Variants in SPAST observed in about 807,000 individuals in gnomAD.
SPAST encodes the protein spastic paraplegia 4 (autosomal dominant; spastin).
A neutral mutation model predicts 76.6 loss-of-function variants in SPAST; 30 were observed. That is an observed-to-expected ratio of 0.39 (90% confidence interval 0.29 to 0.53). The LOEUF is 0.53. Among genes scored for constraint, SPAST ranks in the 20% least tolerant of loss-of-function variants. The pLI, the probability that SPAST is intolerant of heterozygous loss-of-function variation, is 0.68. For missense variants in SPAST, 717 were observed against 770.5 expected, an observed-to-expected ratio of 0.93 and a Z score of 0.82; for synonymous variants, 305 against 281.0, an observed-to-expected ratio of 1.09 and a Z score of -0.86.
chr2:32,150,761 A>T (rs1355796045), intron 16 of SPAST, among the ~76,000 whole-genome samples: 1 of 152,082 alleles, frequency 6.6e-6, no homozygotes, highest in African/African-American at 2.4e-5. Flanking sequence ...CTAAAAATAT[A>T]ATTTTATCCA....
rs2148771985 is a variant in SPAST at position 32,157,567 on chromosome 2, ATGAAT to A, written c.*3073_*3077del. The A allele has an allele frequency of 6.5e-6, 1 of 152,734 alleles. No individual in the cohort carries two copies. Among genetic ancestry groups the A allele is most frequent in the Non-Finnish European group, 1.5e-5 (1 of 68,020 alleles). 9.5% of individuals were successfully genotyped at this position (152,734 alleles called of 1,614,324 possible). A position where few individuals can be genotyped will look rare whatever the true frequency, so the allele number is the denominator to read the frequency against. On this transcript the variant is annotated 3_prime_UTR_variant, in exon 17 of 17. Coordinates refer to ENST00000315285, the MANE Select transcript of SPAST (RefSeq NM_014946.4). The stretch of plus-strand genomic sequence containing the variant: ...TCTTTTGTACTTTTCTTCAGAAGAA[ATGAAT>A]TAAAGGGTACAGTTGCATAAAGTGG...
chr2:32,074,285 A>G lies in SPAST; in HGVS notation c.415+10039A>G, dbSNP rs867694823. On this transcript the variant is annotated intron_variant, in intron 1 of 16. Coordinates refer to ENST00000315285, the MANE Select transcript of SPAST (RefSeq NM_014946.4). ...GCAAAGGTCACTCCTTATCTGGAAA[A>G]GGGGAATATTTGGTATTTCATGGTT... is the stretch of plus-strand genomic sequence containing the variant. Among the ~76,000 whole-genome samples, 87 of 152,170 alleles carry G rather than the reference A, an allele frequency of 5.7e-4. 2 individuals carry two copies. The highest frequency in any genetic ancestry group is 3.2e-3 in the Middle Eastern group (1 of 316).
intron 8 of SPAST, 140 bp from the exon 9 acceptor site, chr2:32,128,268 T>C: frequency 1.5e-6 from 1 of 669,006 alleles, no homozygotes; most frequent in Non-Finnish European, 2.6e-6. Context: ...GTGCTGGGAT[T>C]ACAGGCATGA....
intron 2 of SPAST, among the ~76,000 whole-genome samples, chr2:32,088,600 C>T (rs1275610029): frequency 2.6e-5 from 4 of 152,076 alleles, no homozygotes; most frequent in Non-Finnish European, 4.4e-5. Context: ...GCCAAGATCG[C>T]GCCATTGCAC....
intron 1 of SPAST, among the ~76,000 whole-genome samples, chr2:32,065,240 C>T (rs548287703): frequency 1.3e-5 from 2 of 152,078 alleles, no homozygotes; most frequent in Admixed American, 6.6e-5. Flanking sequence ...GGATGGTCTC[C>T]ATCTCCTGAC....
intron 4 of SPAST, among the ~76,000 whole-genome samples, chr2:32,106,824 T>C (rs1678340520): frequency 6.6e-6 from 1 of 151,962 alleles, no homozygotes; most frequent in Non-Finnish European, 1.5e-5. Context: ...AGTATCGATA[T>C]AAGTATTTTG....
At chr2:32,071,678 G>C (rs552372416) in intron 1 of SPAST, among the ~76,000 whole-genome samples, 4 of 152,286 alleles carry the variant, frequency 2.6e-5, no homozygotes, top group African/African-American at 9.6e-5. Flanking sequence ...GAGGCTTCCA[G>C]GTCGTAGGCA....
chr2:32,102,075 A>G (rs1490040474), intron 4 of SPAST, among the ~76,000 whole-genome samples: 2 of 152,086 alleles, frequency 1.3e-5, no homozygotes, highest in African/African-American at 2.4e-5. Flanking sequence ...CAGTGTGGCC[A>G]TTTTCATGAT....
intron 3 of SPAST, among the ~76,000 whole-genome samples, chr2:32,090,667 G>A (rs1284413985): frequency 6.6e-6 from 1 of 151,982 alleles, no homozygotes; most frequent in Admixed American, 6.6e-5. Context: ...TAATGTACAG[G>A]TTCATCTGTT....
chr2:32,141,697 A>G (rs1213850729), intron 12 of SPAST, among the ~76,000 whole-genome samples: 1 of 152,254 alleles, frequency 6.6e-6, no homozygotes, highest in Non-Finnish European at 1.5e-5. Context: ...ATACATACAT[A>G]AATGATTAAT....
At chr2:32,095,352 G>T (rs1457881158) in intron 3 of SPAST, among the ~76,000 whole-genome samples, 1 of 152,174 alleles carries the variant, frequency 6.6e-6, no homozygotes, top group Non-Finnish European at 1.5e-5. Flanking sequence ...GCTTTCTTGT[G>T]TGACAAAGCT....
In SPAST at chr2:32,063,999, G is replaced by A. The variant is rs752852817; in HGVS notation, c.168G>A (p.Pro56=). The A allele has an allele frequency of 5.0e-6, 8 of 1,613,098 alleles. No individual in the cohort carries two copies. Among genetic ancestry groups the A allele is most frequent in the Non-Finnish European group, 6.8e-6 (8 of 1,179,484 alleles). ...HKRNLYYFSY[P]LFVGFALLRL... ...GGAACCTGTACTATTTCTCCTACCC[G>A]CTGTTTGTAGGCTTCGCGCTGCTGC... Residue 56 remains proline, a synonymous_variant, in exon 1 of 17, where the codon CCG becomes CCA. Transcript: ENST00000315285.
In SPAST at chr2:32,106,272, T is replaced by C. The variant is rs113071374; in HGVS notation, c.682+7381T>C. On this transcript the variant is annotated intron_variant, in intron 4 of 16. Coordinates refer to ENST00000315285, the MANE Select transcript of SPAST (RefSeq NM_014946.4). ...GGGACCCTCTGAGCCAGGCATGGGATATAATCTCCTGGTGTGCCGTTTGCT... is the reference window on the plus strand; with the variant it reads ...GGGACCCTCTGAGCCAGGCATGGGACATAATCTCCTGGTGTGCCGTTTGCT... Among the ~76,000 whole-genome samples, 718 of 152,256 alleles carry C rather than the reference T, an allele frequency of 4.7e-3. 11 individuals are homozygous for C. The highest frequency in any genetic ancestry group is 0.015 in the African/African-American group (626 of 41,556).
Position 32,136,749 on chromosome 2 carries a change from G to T in SPAST, c.1321+111G>T. On this transcript the variant is annotated intron_variant, in intron 10 of 16. Coordinates refer to ENST00000315285, the MANE Select transcript of SPAST (RefSeq NM_014946.4). ...CAGAAGGAAGAAGTTTTAAAGAAGG[G>T]CAAGCTTAAAGACTATCTAATGAAT... 5.6e-6 allele frequency: 7 copies of T among 1,259,874 alleles called. No homozygotes were observed. The South Asian group carries it at 8.5e-5, about 15-fold the overall frequency. 78.0% of individuals were successfully genotyped at this position (1,259,874 alleles called of 1,614,324 possible).
intron 16 of SPAST, among the ~76,000 whole-genome samples, chr2:32,152,764 T>C (rs1680130372): frequency 6.6e-6 from 1 of 151,808 alleles, no homozygotes; most frequent in African/African-American, 2.4e-5. Flanking sequence ...GTTTTTTTTT[T>C]TGAGACAGGG....
At chr2:32,112,469 T>TC (rs1661003715) in intron 4 of SPAST, among the ~76,000 whole-genome samples, 1 of 150,332 alleles carries the variant, frequency 6.7e-6, no homozygotes. Flanking sequence ...TGCCTCAGCC[T>TC]CCTGAGTAGC....
intron 4 of SPAST, among the ~76,000 whole-genome samples, chr2:32,100,906 T>C (rs1031494203): frequency 6.6e-6 from 1 of 152,210 alleles, no homozygotes; most frequent in Non-Finnish European, 1.5e-5. Context: ...TTGTGAATAG[T>C]GCCACAGTAA....
intron 16 of SPAST, among the ~76,000 whole-genome samples, chr2:32,150,101 C>T (rs1388218021): frequency 7.0e-6 from 1 of 143,764 alleles, no homozygotes; most frequent in African/African-American, 2.6e-5. Flanking sequence ...TGGAGTCTTG[C>T]TCTGTTTCTA....
rs1558339849 is a variant in SPAST, at chr2:32,141,896, T to A, written c.1494-8T>A. The A allele has an allele frequency of 1.9e-6, 3 of 1,609,024 alleles. No individual in the cohort carries two copies. The highest frequency in any genetic ancestry group is 2.5e-6 in the Non-Finnish European group (3 of 1,176,792). ...ATATTTCTAAAAGTGCTGGATTTTT[T>A]TTTTTAGGCGTTTCATCAAACGGGT... is the stretch of plus-strand genomic sequence containing the variant. On this transcript the variant is annotated splice_polypyrimidine_tract_variant and splice_region_variant and intron_variant, in intron 12 of 16. Transcript: ENST00000315285.
Sources: allele counts gnomAD v4.1 joint callset (sites outside exome capture counted in the v4.1 genomes callset), GRCh38; gene constraint gnomAD v4.1.1; transcripts MANE v1.5; gene names NCBI Gene and HGNC (gene_info 2026-07-23, HGNC 2026-07-21).